The following CCDC88B variants were observed in gnomAD, a reference collection of about 807,000 sequenced individuals.
The protein encoded by CCDC88B is coiled-coil and HOOK domain protein 88B.
Under a neutral mutation model 183.7 loss-of-function variants are expected in CCDC88B, and 138 were observed. That is an observed-to-expected ratio of 0.75 (90% CI 0.65 to 0.87). The LOEUF is 0.87. Ranked by LOEUF, CCDC88B falls within the 40% of genes least tolerant of loss-of-function variation. The pLI is 0.00. For synonymous variants in CCDC88B, 835 were observed against 867.5 expected (o/e 0.96, Z 0.66); for missense variants, 1,822 against 1,965.6 (o/e 0.93, Z 1.38).
intron 14 of CCDC88B, among the ~76,000 whole-genome samples, chr11:64,346,919 C>T (rs1243197224): frequency 6.6e-6 from 1 of 151,842 alleles, no homozygotes; most frequent in South Asian, 2.1e-4. Flanking sequence ...CTCAGCCTCT[C>T]GTGTAGCTGG....
Position 64,352,113 on chromosome 11 carries a change from T to A in CCDC88B, c.3100-17T>A. The A allele has an allele frequency of 6.6e-7, 1 of 1,522,402 alleles. No individual in the cohort carries two copies. Among genetic ancestry groups the A allele is most frequent in the Non-Finnish European group, 8.8e-7 (1 of 1,131,894 alleles). The allele number at this position is 1,522,402 out of a possible 1,614,324, so 94.3% of individuals were successfully genotyped here. A position where few individuals can be genotyped will look rare whatever the true frequency, so the allele number is the denominator to read the frequency against. ...GGGTTCCTCCCCAGCAGCCCCTGCT[T>A]CCCTCCTCCATCCTAGGCCGAGAAG... On this transcript the variant is annotated splice_polypyrimidine_tract_variant and intron_variant, in intron 18 of 26. Transcript: ENST00000356786.
At position 64,344,056 on chromosome 11, in the gene CCDC88B, C is replaced by T. The variant is rs1489812168; in HGVS notation, c.1515C>T (p.Pro505=). The T allele has an allele frequency of 6.3e-7, 1 of 1,593,876 alleles. No individual in the cohort carries two copies. The highest frequency in any genetic ancestry group is 2.2e-5 in the East Asian group (1 of 44,566). The change falls in exon 14 of 27, where the codon CCC becomes CCT. Residue 505 remains proline (P), a synonymous_variant. Transcript: ENST00000356786. The surrounding 1 kb of genome is among the most constrained non-coding windows in gnomAD (Gnocchi z 4.5). ...TTCTTCCAGTGCTGGAGGAGGCTCC[C>T]CAGACTCCTGTGGCCTTCGACCACA... ...DPVLPVLEEA[P]QTPVAFDHSP...
chr11:64,351,916 C>T (rs575762284), intron 18 of CCDC88B, among the ~76,000 whole-genome samples: 2 of 152,252 alleles, frequency 1.3e-5, no homozygotes, highest in South Asian at 4.1e-4. Context: ...CCCTTCCGGA[C>T]AGCCTGGCCC....
chr11:64,343,041 G>A (rs1382419902), intron 10 of CCDC88B, 138 bp from the exon 11 acceptor site: 2 of 1,001,448 alleles, frequency 2.0e-6, no homozygotes, highest in African/African-American at 1.6e-5. Context: ...GGAGTGGCGG[G>A]GCCTAGAGAC....
In CCDC88B at chr11:64,344,340, G is replaced by C; in HGVS notation, c.1799G>C (p.Ser600Thr). 1 of 1,603,694 alleles carries C rather than the reference G, an allele frequency of 6.2e-7. No individual in the cohort carries two copies. The highest frequency in any genetic ancestry group is 8.5e-7 in the Non-Finnish European group (1 of 1,176,306). The change falls in exon 14 of 27, where the codon AGC becomes ACC. Residue 600 changes from serine (S) to threonine (T), a missense_variant. By Grantham distance (58) the Ser-to-Thr change is moderately conservative (BLOSUM62 1). Transcript: ENST00000356786. This position sits in a 1 kb window ranked among gnomAD's most constrained non-coding sequence, Gnocchi z 4.5. Reference protein sequence around the residue: ...EKAGRRSSLQSPASVAPPQGP... With the variant: ...EKAGRRSSLQTPASVAPPQGP... ...GCTGGCCGTAGATCCTCTCTCCAGA[G>C]CCCTGCCTCTGTGGCCCCACCTCAG...
Position 64,352,856 on chromosome 11 carries a change from G to A in CCDC88B, c.3469G>A (p.Glu1157Lys). The A allele has an allele frequency of 6.2e-7, 1 of 1,608,338 alleles. No individual in the cohort carries two copies. The highest frequency in any genetic ancestry group is 1.3e-5 in the African/African-American group (1 of 74,986). The change falls in exon 20 of 27, where the codon GAG becomes AAG. Residue 1157 changes from glutamate (E) to lysine (K), a missense_variant. By Grantham distance (56) the Glu-to-Lys change is moderately conservative. Transcript: ENST00000356786. ...DGHRQRGLEE[E>K]LRRLQSEHDR... ...GCATCGGCAGCGGGGCCTGGAGGAG[G>A]AGCTGCGGAGGCTTCAGAGCGAGCA... is the stretch of plus-strand genomic sequence containing the variant.
At chr11:64,341,084 A>G (rs748696780) in intron 3 of CCDC88B, 25 bp from the exon 4 acceptor site, 33 of 1,614,054 alleles carry the variant, frequency 2.0e-5, no homozygotes, top group Admixed American at 8.3e-5. Context: ...AAGGCGCCTC[A>G]TATAGTCTGC....
chr11:64,355,618 C>T lies in CCDC88B; in HGVS notation c.4365C>T (p.Ala1455=). 1 of 1,611,576 alleles carries T rather than the reference C, an allele frequency of 6.2e-7. No homozygotes were observed. The highest frequency in any genetic ancestry group is 1.1e-5 in the South Asian group (1 of 90,688). ...CCCTGCAGGAACACGAAACAGATGC[C>T]AACCGAGAGGGTGAGTGGGGGACTG... ...AETLQEHETD[A]NREGPEVQEP... The change falls in exon 26 of 27, where the codon GCC becomes GCT. Residue 1455 remains alanine, a synonymous_variant. Coordinates refer to ENST00000356786, the MANE Select transcript of CCDC88B (RefSeq NM_032251.6).
chr11:64,346,157 G>A (rs1042444813), intron 14 of CCDC88B, among the ~76,000 whole-genome samples: 1 of 152,212 alleles, frequency 6.6e-6, no homozygotes, highest in African/African-American at 2.4e-5. Flanking sequence ...CGCTTGAGGA[G>A]GGTCACCTTG....
chr11:64,346,829 G>T (rs2036130269), intron 14 of CCDC88B, among the ~76,000 whole-genome samples: 1 of 149,074 alleles, frequency 6.7e-6, no homozygotes, highest in Admixed American at 6.7e-5. Context: ...TTGAGACAGA[G>T]TCTCCCTCTG....
intron 23 of CCDC88B, 89 bp from the exon 24 acceptor site, chr11:64,353,915 G>C: frequency 6.4e-7 from 1 of 1,574,626 alleles, no homozygotes; most frequent in Non-Finnish European, 8.7e-7. Context: ...GCCCCATGAA[G>C]GTCAACCTGG....
chr11:64,340,457 G>A, intron 1 of CCDC88B, 131 bp downstream of exon 1: 1 of 1,339,256 alleles, frequency 7.5e-7, no homozygotes, highest in Non-Finnish European at 9.9e-7. Flanking sequence ...TGTGGGGGAT[G>A]GAGATATGGT....
chr11:64,353,010 G>A lies in CCDC88B; in HGVS notation c.3501-44G>A, dbSNP rs558244096. 1.8e-5 allele frequency: 27 copies of A among 1,535,274 alleles called. No individual in the cohort carries two copies. The South Asian group carries it at 3.0e-4, about 17-fold the overall frequency. Reference sequence around the variant, plus strand: ...AACTTCTCTGGCCAGCACTCGGACTGGGGACCCAGGTCCCTTGGAGAGCAG... The same window carrying A: ...AACTTCTCTGGCCAGCACTCGGACTAGGGACCCAGGTCCCTTGGAGAGCAG... On this transcript the variant is annotated intron_variant, in intron 20 of 26. Transcript: ENST00000356786.
rs1565392563 is a variant in CCDC88B at position 64,340,979 on chromosome 11, C to CCTT, written c.281_282insTCT (p.Leu94dup). 1 of 1,606,312 alleles carries CCTT rather than the reference C, an allele frequency of 6.2e-7. No homozygotes were observed. Among genetic ancestry groups the CCTT allele is most frequent in the Non-Finnish European group, 8.5e-7 (1 of 1,175,650 alleles). The stretch of plus-strand genomic sequence containing the variant: ...GACCTGCTGCCTGGCGAGTGTGGAA[C>CCTT]CTGAACCACCTGTGGGGCCGACTGA... On this transcript the variant is annotated inframe_insertion, in exon 3 of 27. Coordinates refer to ENST00000356786, the MANE Select transcript of CCDC88B (RefSeq NM_032251.6).
intron 18 of CCDC88B, 66 bp from the exon 19 acceptor site, chr11:64,352,064 G>A (rs528842520): frequency 3.8e-5 from 58 of 1,509,796 alleles, no homozygotes; most frequent in Middle Eastern, 1.8e-4. Flanking sequence ...TTAGCCCCCC[G>A]CCTCTCACTC....
rs746751891 is a variant in CCDC88B at position 64,340,771 on chromosome 11, G to A, written c.206+19G>A. Reference sequence around the variant, plus strand: ...GCATCATGTAAGGGGCATCGGGCCGGGGCGGTGGCGGGGAAGGATCTGAGA... The same window carrying A: ...GCATCATGTAAGGGGCATCGGGCCGAGGCGGTGGCGGGGAAGGATCTGAGA... On this transcript the variant is annotated intron_variant, in intron 2 of 26. Coordinates refer to ENST00000356786, the MANE Select transcript of CCDC88B (RefSeq NM_032251.6). 6.3e-7 allele frequency: 1 copy of A among 1,593,132 alleles called. No homozygotes were observed. The highest frequency in any genetic ancestry group is 1.7e-5 in the Admixed American group (1 of 58,098).
chr11:64,348,165 G>A (rs1229627691), intron 14 of CCDC88B, among the ~76,000 whole-genome samples: 1 of 152,008 alleles, frequency 6.6e-6, no homozygotes, highest in Non-Finnish European at 1.5e-5. Flanking sequence ...TCCATGGGAG[G>A]GAATGGCAGC....
intron 24 of CCDC88B, 24 bp from the exon 25 acceptor site, chr11:64,355,170 C>A (rs762691860): frequency 3.5e-6 from 5 of 1,411,556 alleles, no homozygotes; most frequent in South Asian, 1.7e-5. Flanking sequence ...CCTCTCACCC[C>A]CTCCCTGCAT....
At position 64,351,564 on chromosome 11, in the gene CCDC88B, A is replaced by T; in HGVS notation, c.3047A>T (p.Gln1016Leu). Residue 1016 changes from glutamine to leucine, a missense_variant, in exon 18 of 27, where the codon CAG (glutamine) becomes CTG (leucine). Physicochemically the swap from Gln to Leu is moderately radical, Grantham distance 113. Coordinates refer to ENST00000356786, the MANE Select transcript of CCDC88B (RefSeq NM_032251.6). ...GQLGSLQGRA[Q>L]ELLLQSQRAQ... ...CTGGGGAGCCTGCAGGGCCGTGCCC[A>T]GGAGCTGCTGCTGCAGAGCCAGCGG... 1 of 1,565,840 alleles carries T rather than the reference A, an allele frequency of 6.4e-7. No individual in the cohort carries two copies. The highest frequency in any genetic ancestry group is 1.3e-5 in the African/African-American group (1 of 74,166).
Sources: gnomAD v4.1 joint callset for allele counts (sites outside exome capture counted in the v4.1 genomes callset) on GRCh38, gnomAD v4.1.1 for gene constraint, Gnocchi (gnomAD v3.1) non-coding constraint, MANE v1.5 for transcripts, NCBI Gene and HGNC (gene_info 2026-07-23, HGNC 2026-07-21) for gene names.